The following HELQ variants were observed in gnomAD, a reference collection of about 807,000 sequenced individuals.
The protein encoded by HELQ is helicase POLQ-like.
Under a neutral mutation model 111.6 loss-of-function variants are expected in HELQ, and 77 were observed. The ratio of observed to expected loss-of-function variants is 0.69; its 90% CI spans 0.57 to 0.83. HELQ has a LOEUF of 0.83. Among genes scored for constraint, HELQ ranks in the 40% least tolerant of loss-of-function variants. The pLI, the probability that HELQ is intolerant of heterozygous loss-of-function variation, is 0.00. For missense variants in HELQ, 1,200 were observed against 1,288.5 expected, an observed-to-expected ratio of 0.93 and a Z score of 1.05; for synonymous variants, 438 against 454.7, an observed-to-expected ratio of 0.96 and a Z score of 0.47.
intron 2 of HELQ, among the ~76,000 whole-genome samples, chr4:83,450,272 A>C (rs1005533377): frequency 2.4e-5 from 3 of 124,984 alleles, no homozygotes; most frequent in African/African-American, 5.6e-5. Flanking sequence ...ATTGCCCCGG[A>C]GTGGTGGATC....
chr4:83,447,160 C>A, intron 3 of HELQ, 125 bp from the exon 4 acceptor site: 1 of 639,410 alleles, frequency 1.6e-6, no homozygotes. Flanking sequence ...CCAGCCTGGG[C>A]AACACAGTGA....
In HELQ at chr4:83,413,365, C is replaced by T. The variant is rs113522492; in HGVS notation, c.3198+3366G>A. ...TGTTTTTTTGGGGAGAAATCCCTCA[C>T]ATTTGGTCACAGAAATCTTCTGTCT... is the stretch of plus-strand genomic sequence containing the variant. On this transcript the variant is annotated intron_variant, in intron 17 of 17. Coordinates refer to ENST00000295488, the MANE Select transcript of HELQ (RefSeq NM_133636.5). Among the ~76,000 whole-genome samples, 441 of 152,260 alleles carry T rather than the reference C, an allele frequency of 2.9e-3. 1 individual carries two copies. The highest frequency in any genetic ancestry group is 0.01 in the African/African-American group (424 of 41,548).
At chr4:83,454,367 T>C (rs112403358) in intron 1 of HELQ, among the ~76,000 whole-genome samples, 1 of 152,132 alleles carries the variant, frequency 6.6e-6, no homozygotes, top group African/African-American at 2.4e-5. Context: ...ATTACTTGCC[T>C]AAACAGCAGG....
chr4:83,441,563 TTTC>T (rs1432687402), intron 6 of HELQ, among the ~76,000 whole-genome samples, 160 bp from the exon 7 acceptor site: 1 of 152,220 alleles, frequency 6.6e-6, no homozygotes, highest in Admixed American at 6.5e-5. Context: ...TGCTTTACCA[TTTC>T]TTCTTCTTCT....
intron 13 of HELQ, 121 bp downstream of exon 13, chr4:83,427,442 C>T: frequency 1.4e-6 from 1 of 694,956 alleles, no homozygotes; most frequent in South Asian, 3.0e-5. Context: ...ACTGCTTGAG[C>T]CTAGGAGTTT....
intron 14 of HELQ, among the ~76,000 whole-genome samples, 168 bp from the exon 15 acceptor site, chr4:83,421,904 T>G (rs1212002792): frequency 6.6e-6 from 1 of 152,132 alleles, no homozygotes; most frequent in Non-Finnish European, 1.5e-5. Flanking sequence ...TAATTAAAAT[T>G]TATTATCATT....
At chr4:83,411,510 A>G (rs925411024) in intron 17 of HELQ, among the ~76,000 whole-genome samples, 1 of 151,784 alleles carries the variant, frequency 6.6e-6, no homozygotes, top group African/African-American at 2.4e-5. Flanking sequence ...AGGCTGAAGT[A>G]GGAGGATTGC....
intron 17 of HELQ, among the ~76,000 whole-genome samples, chr4:83,408,459 G>A (rs1187560909): frequency 1.3e-5 from 2 of 151,736 alleles, no homozygotes; most frequent in African/African-American, 2.4e-5. Context: ...CACCATGTTG[G>A]CCAGGATGGT....
intron 6 of HELQ, among the ~76,000 whole-genome samples, chr4:83,443,044 C>A (rs573233683): frequency 2.0e-5 from 3 of 152,212 alleles, no homozygotes; most frequent in South Asian, 2.1e-4. Flanking sequence ...TTTGGGAATG[C>A]TGCTGTTGAG....
chr4:83,442,711 G>C (rs908063591), intron 6 of HELQ, among the ~76,000 whole-genome samples: 2 of 151,586 alleles, frequency 1.3e-5, no homozygotes, highest in Admixed American at 6.6e-5. Flanking sequence ...GCGCCTGGCT[G>C]CCCTAATTTT....
intron 8 of HELQ, among the ~76,000 whole-genome samples, chr4:83,439,560 C>T (rs566131827): frequency 6.0e-5 from 9 of 149,804 alleles, no homozygotes; most frequent in East Asian, 2.0e-4. Context: ...GGGGTTTCAC[C>T]GTGTTGGCCA....
intron 2 of HELQ, among the ~76,000 whole-genome samples, chr4:83,451,382 GC>G (rs1721355516): frequency 6.6e-6 from 1 of 152,114 alleles, no homozygotes; most frequent in African/African-American, 2.4e-5. Context: ...GATGAGTTAG[GC>G]CGGGCTCGGT....
chr4:83,438,212 T>C (rs1359498646), intron 8 of HELQ, among the ~76,000 whole-genome samples: 1 of 152,190 alleles, frequency 6.6e-6, no homozygotes, highest in African/African-American at 2.4e-5. Flanking sequence ...AGACTATGAA[T>C]AGTGATACAG....
intron 10 of HELQ, 70 bp downstream of exon 10, chr4:83,432,056 T>C: frequency 1.0e-6 from 1 of 973,538 alleles, no homozygotes; most frequent in African/African-American, 1.7e-5. Flanking sequence ...TAAAAGATGA[T>C]TTCATAAAAG....
At chr4:83,439,192 C>T (rs7660458) in intron 8 of HELQ, among the ~76,000 whole-genome samples, 4 of 151,830 alleles carry the variant, frequency 2.6e-5, no homozygotes, top group East Asian at 3.9e-4. Context: ...CTTAGCCTCC[C>T]GAGTAGCTAG....
chr4:83,439,692 G>A (rs942925180), intron 8 of HELQ, among the ~76,000 whole-genome samples, 171 bp downstream of exon 8: 7 of 152,182 alleles, frequency 4.6e-5, no homozygotes, highest in African/African-American at 1.2e-4. Context: ...TATTTCACAT[G>A]TGATTTTTCA....
rs1179691258 is a variant in HELQ at position 83,450,023 on chromosome 4, G to C, written c.1013-1062C>G. On this transcript the variant is annotated intron_variant, in intron 2 of 17. Transcript: ENST00000295488. The stretch of plus-strand genomic sequence containing the variant: ...AGAACTGCACATTGCCTTTGATCTG[G>C]TAGTATTACTTTTGGGATTCTACAT... Among the ~76,000 whole-genome samples, 8 of 151,714 alleles carry C rather than the reference G, an allele frequency of 5.3e-5. No individual in the cohort carries two copies. In the East Asian group the frequency reaches 1.5e-3, roughly 29 times the overall value.
intron 6 of HELQ, among the ~76,000 whole-genome samples, chr4:83,441,696 A>C (rs890833466): frequency 6.6e-6 from 1 of 152,176 alleles, no homozygotes. Flanking sequence ...TTTGTCACAA[A>C]AAGTGTGAGT....
At chr4:83,454,404 A>G (rs897909238) in intron 1 of HELQ, among the ~76,000 whole-genome samples, 1 of 152,002 alleles carries the variant, frequency 6.6e-6, no homozygotes, top group South Asian at 2.1e-4. Flanking sequence ...TGATACTGAG[A>G]TTCTAATTTT....
Sources: allele counts gnomAD v4.1 joint callset (sites outside exome capture counted in the v4.1 genomes callset), GRCh38; gene constraint gnomAD v4.1.1; transcripts MANE v1.5; gene names NCBI Gene and HGNC (gene_info 2026-07-23, HGNC 2026-07-21).